Variants in CDK14 observed in about 807,000 individuals in gnomAD.
CDK14 encodes the protein cyclin-dependent kinase 14.
In CDK14, 34 loss-of-function variants were observed where a neutral mutation model predicts 60.7. The observed-to-expected ratio is 0.56, with a 90% CI of 0.43 to 0.75. The LOEUF (loss-of-function observed/expected upper bound fraction) is 0.75, where lower values mean the gene tolerates loss of function less well. Among genes scored for constraint, CDK14 ranks in the 30% least tolerant of loss-of-function variants. The probability of loss-of-function intolerance (pLI) is 0.00; values close to 1 mark genes in which losing one functional copy is unlikely to be tolerated. For synonymous variants in CDK14, 197 were observed against 203.7 expected, an observed-to-expected ratio of 0.97 and a Z score of 0.28; for missense variants, 482 against 564.1, an observed-to-expected ratio of 0.85 and a Z score of 1.47.
At chr7:90,989,180 G>C (rs544876714) in intron 10 of CDK14, among the ~76,000 whole-genome samples, 1 of 152,062 alleles carries the variant, frequency 6.6e-6, no homozygotes, top group African/African-American at 2.4e-5. Context: ...ACATGGCTCC[G>C]ATTCCAGGGT....
chr7:90,794,301 A>G (rs1437422106), intron 5 of CDK14, among the ~76,000 whole-genome samples: 1 of 152,180 alleles, frequency 6.6e-6, no homozygotes, highest in Non-Finnish European at 1.5e-5. Flanking sequence ...ACGCATTGTC[A>G]TTGATAACAT....
intron 7 of CDK14, among the ~76,000 whole-genome samples, chr7:90,904,100 C>A (rs1361284571): frequency 6.6e-6 from 1 of 151,986 alleles, no homozygotes; most frequent in Non-Finnish European, 1.5e-5. Context: ...GGGTGGTGAC[C>A]CAGAATAAGG....
chr7:91,074,104 A>G (rs1798229537), intron 11 of CDK14, among the ~76,000 whole-genome samples: 1 of 152,212 alleles, frequency 6.6e-6, no homozygotes, highest in South Asian at 2.1e-4. Context: ...ACAGAAAATT[A>G]ACAAGGATAT....
Position 90,911,017 on chromosome 7 carries a change from A to G in CDK14, c.703-6584A>G, listed in dbSNP as rs117323240. Among the ~76,000 whole-genome samples, 18 of 152,232 alleles carry G rather than the reference A, an allele frequency of 1.2e-4. No individual in the cohort carries two copies. In the East Asian group the frequency reaches 3.1e-3, roughly 26 times the overall value. ...TCTCATCATTTATCTCCCAAGTATA[A>G]GTGAGAAGATGTGGTATTTGTTTTT... On this transcript the variant is annotated intron_variant, in intron 7 of 14. Transcript: ENST00000380050.
intron 5 of CDK14, among the ~76,000 whole-genome samples, chr7:90,809,957 C>T (rs1051245622): frequency 6.6e-6 from 1 of 152,176 alleles, no homozygotes; most frequent in Non-Finnish European, 1.5e-5. Flanking sequence ...ATAACAGGCT[C>T]TGAAGTTCAG....
At chr7:90,747,537 T>G in intron 3 of CDK14, 144 bp from the exon 4 acceptor site, 1 of 577,206 alleles carries the variant, frequency 1.7e-6, no homozygotes, top group East Asian at 3.4e-5. Flanking sequence ...TTTATTATGT[T>G]GTTTTGAAAA....
At chr7:91,058,390 C>A (rs1223829100) in intron 11 of CDK14, among the ~76,000 whole-genome samples, 1 of 152,082 alleles carries the variant, frequency 6.6e-6, no homozygotes, top group Admixed American at 6.5e-5. Context: ...TAATTGAATA[C>A]CCTTTATTTC....
chr7:90,936,122 T>G (rs1793745317), intron 8 of CDK14, among the ~76,000 whole-genome samples: 1 of 152,216 alleles, frequency 6.6e-6, no homozygotes, highest in Admixed American at 6.5e-5. Context: ...GTTAACATAT[T>G]TTTCACCCTT....
chr7:90,816,772 T>A (rs1789372291), intron 5 of CDK14, among the ~76,000 whole-genome samples: 1 of 152,204 alleles, frequency 6.6e-6, no homozygotes, highest in Non-Finnish European at 1.5e-5. Flanking sequence ...ATTCATGTGG[T>A]ATGTACTGAA....
In CDK14 at chr7:90,901,225, G is replaced by T. The variant is rs553699488; in HGVS notation, c.702+1872G>T. 1.2e-4 allele frequency among the ~76,000 whole-genome samples: 19 copies of T among 152,254 alleles called. No homozygotes were observed. The South Asian group carries it at 3.5e-3, about 28-fold the overall frequency. On this transcript the variant is annotated intron_variant, in intron 7 of 14. Transcript: ENST00000380050. The stretch of plus-strand genomic sequence containing the variant: ...AGGTTGCACCATGGTGATAAACAAG[G>T]TTTAACACTGCAGGACTTGGTGCCT...
At chr7:90,811,276 C>T (rs1332566669) in intron 5 of CDK14, among the ~76,000 whole-genome samples, 8 of 151,850 alleles carry the variant, frequency 5.3e-5, no homozygotes, top group African/African-American at 9.7e-5. Flanking sequence ...GAGATATAGA[C>T]CAATGGAACA....
chr7:91,161,227 C>A (rs564335775), intron 14 of CDK14, among the ~76,000 whole-genome samples: 1 of 152,046 alleles, frequency 6.6e-6, no homozygotes, highest in African/African-American at 2.4e-5. Flanking sequence ...AGGGAGTAGA[C>A]GGAGAGGATT....
At position 90,899,326 on chromosome 7, in the gene CDK14, T is replaced by G; in HGVS notation, c.675T>G (p.Pro225=). The G allele has an allele frequency of 6.2e-7, 1 of 1,603,044 alleles. No homozygotes were observed. The highest frequency in any genetic ancestry group is 8.5e-7 in the Non-Finnish European group (1 of 1,175,428). Residue 225 remains proline (P), a synonymous_variant, in exon 7 of 15, where the codon CCT becomes CCG. Transcript: ENST00000380050. ...TATGTCAGTACATGGACAAGCACCC[T>G]GGGGGGCTGCATCCAGATAATGTGA... is the stretch of plus-strand genomic sequence containing the variant. ...TDLCQYMDKH[P]GGLHPDNVKL...
At chr7:91,177,116 C>CAAGTA (rs1196924724) in intron 14 of CDK14, among the ~76,000 whole-genome samples, 1 of 151,010 alleles carries the variant, frequency 6.6e-6, no homozygotes, top group African/African-American at 2.4e-5. Flanking sequence ...CCACCATGAT[C>CAAGTA]AAGTGGGCTT....
intron 11 of CDK14, among the ~76,000 whole-genome samples, chr7:91,068,807 T>TAA (rs57179045): frequency 0.032 from 2,183 of 68,782 alleles, 54 homozygotes; most frequent in South Asian, 0.045. Context: ...TACCTTATAT[T>TAA]AAAAAAAAAA....
chr7:90,697,885 G>A (rs1343749159), intron 2 of CDK14, among the ~76,000 whole-genome samples: 6 of 151,814 alleles, frequency 4.0e-5, no homozygotes, highest in Admixed American at 2.0e-4. Flanking sequence ...TGGCTAACAC[G>A]GTGAAACCCC....
chr7:90,816,522 A>G (rs1789365751), intron 5 of CDK14, among the ~76,000 whole-genome samples: 1 of 152,168 alleles, frequency 6.6e-6, no homozygotes, highest in Non-Finnish European at 1.5e-5. Context: ...ACACTGGATC[A>G]TTAATGTGGC....
chr7:91,195,730 A>C lies in CDK14; in HGVS notation c.*29-11435A>C, dbSNP rs139492760. The stretch of plus-strand genomic sequence containing the variant: ...ATTTACCCACAGACTTTACAGTGGC[A>C]GCTCAAGACTTCATGTATATGAAAA... On this transcript the variant is annotated intron_variant, in intron 14 of 14. Coordinates refer to ENST00000380050, the MANE Select transcript of CDK14 (RefSeq NM_001287135.2). 3.2e-3 allele frequency among the ~76,000 whole-genome samples: 485 copies of C among 152,338 alleles called. 2 individuals carry two copies. Among genetic ancestry groups the C allele is most frequent in the African/African-American group, 0.011 (462 of 41,584 alleles).
intron 11 of CDK14, among the ~76,000 whole-genome samples, chr7:91,064,807 G>A (rs1302528079): frequency 2.6e-5 from 4 of 152,208 alleles, no homozygotes; most frequent in Non-Finnish European, 4.4e-5. Context: ...TGCACAGAGA[G>A]TGAGACACAA....
Sources: allele counts gnomAD v4.1 joint callset (sites outside exome capture counted in the v4.1 genomes callset), GRCh38; gene constraint gnomAD v4.1.1; transcripts MANE v1.5; gene names NCBI Gene and HGNC (gene_info 2026-07-23, HGNC 2026-07-21).